EYA4: variants seen among roughly 807,000 people sequenced by gnomAD.
EYA4 encodes the protein protein phosphatase EYA4.
In EYA4, 31 loss-of-function variants were observed where a neutral mutation model predicts 87.9. That is an observed-to-expected ratio of 0.35 (90% confidence interval 0.27 to 0.48). The LOEUF (loss-of-function observed/expected upper bound fraction) is 0.48, where lower values mean the gene tolerates loss of function less well. Among genes scored for constraint, EYA4 ranks in the 20% least tolerant of loss-of-function variants. EYA4 has a pLI of 0.99. For synonymous variants in EYA4, 263 were observed against 270.6 expected, an observed-to-expected ratio of 0.97 and a Z score of 0.28; for missense variants, 678 against 761.4, an observed-to-expected ratio of 0.89 and a Z score of 1.29.
At chr6:133,418,537 T>G (rs1789945159) in intron 3 of EYA4, among the ~76,000 whole-genome samples, 1 of 152,236 alleles carries the variant, frequency 6.6e-6, no homozygotes. Context: ...CAGATGCATA[T>G]ATATACACAT....
chr6:133,485,095 T>C (rs1277001809), intron 13 of EYA4, among the ~76,000 whole-genome samples: 2 of 152,222 alleles, frequency 1.3e-5, no homozygotes, highest in African/African-American at 4.8e-5. Flanking sequence ...AAACTGGCTT[T>C]AAGAGCAATT....
intron 11 of EYA4, among the ~76,000 whole-genome samples, chr6:133,475,056 T>A (rs2128691660): frequency 6.6e-6 from 1 of 152,228 alleles, no homozygotes; most frequent in South Asian, 2.1e-4. Flanking sequence ...TTCAATCATG[T>A]ATAGTATTGG....
chr6:133,387,150 A>G (rs754309138), intron 3 of EYA4, among the ~76,000 whole-genome samples: 17 of 152,262 alleles, frequency 1.1e-4, no homozygotes, highest in Admixed American at 6.5e-5. Flanking sequence ...AGCTTAAAAA[A>G]ATGAAATTCC....
intron 3 of EYA4, among the ~76,000 whole-genome samples, chr6:133,383,650 C>T (rs1401070530): frequency 6.7e-6 from 1 of 149,958 alleles, no homozygotes; most frequent in African/African-American, 2.5e-5. Flanking sequence ...TATGATATTC[C>T]TATAATTGAT....
At chr6:133,271,909 T>C (rs1052473439) in intron 1 of EYA4, among the ~76,000 whole-genome samples, 2 of 152,248 alleles carry the variant, frequency 1.3e-5, no homozygotes, top group Admixed American at 6.5e-5. Flanking sequence ...AATACCTTCC[T>C]GGTTTTTGAT....
chr6:133,500,248 G>A (rs1288190637), intron 13 of EYA4, among the ~76,000 whole-genome samples: 1 of 151,934 alleles, frequency 6.6e-6, no homozygotes, highest in Non-Finnish European at 1.5e-5. Context: ...ATGGGGTGTG[G>A]CCCGAGCAAC....
chr6:133,255,435 A>G (rs759077366), intron 1 of EYA4, among the ~76,000 whole-genome samples: 1 of 152,166 alleles, frequency 6.6e-6, no homozygotes, highest in African/African-American at 2.4e-5. Context: ...ATAAAAATTC[A>G]TCAGTGATCA....
intron 18 of EYA4, 40 bp from the exon 19 acceptor site, chr6:133,525,113 CA>C: frequency 6.2e-7 from 1 of 1,613,582 alleles, no homozygotes; most frequent in Non-Finnish European, 8.5e-7. Flanking sequence ...TGCCGCTAAC[CA>C]GGTAACTTCA....
intron 3 of EYA4, among the ~76,000 whole-genome samples, chr6:133,391,416 A>G (rs1430316120): frequency 6.6e-6 from 1 of 151,924 alleles, no homozygotes. Context: ...TCGGGAAAAG[A>G]GGGCTTGCTG....
At chr6:133,430,391 A>G (rs1265717131) in intron 3 of EYA4, among the ~76,000 whole-genome samples, 1 of 152,204 alleles carries the variant, frequency 6.6e-6, no homozygotes, top group Non-Finnish European at 1.5e-5. Flanking sequence ...GCTAAAATCC[A>G]TGTTTTACGG....
intron 1 of EYA4, among the ~76,000 whole-genome samples, chr6:133,265,541 T>A (rs1776148837): frequency 6.6e-6 from 1 of 152,200 alleles, no homozygotes; most frequent in Non-Finnish European, 1.5e-5. Context: ...GGAATTAACA[T>A]AACAACCATT....
chr6:133,460,231 A>C (rs1794258876), intron 6 of EYA4, among the ~76,000 whole-genome samples: 1 of 152,134 alleles, frequency 6.6e-6, no homozygotes, highest in African/African-American at 2.4e-5. Context: ...AAGTGAATGA[A>C]CAGCAGATGG....
intron 2 of EYA4, among the ~76,000 whole-genome samples, chr6:133,380,417 T>C (rs936912286): frequency 1.3e-5 from 2 of 152,146 alleles, no homozygotes; most frequent in African/African-American, 4.8e-5. Context: ...TTTGGGGTAA[T>C]TATGCTTTGG....
chr6:133,382,906 G>A (rs990190655), intron 3 of EYA4, among the ~76,000 whole-genome samples: 1 of 152,066 alleles, frequency 6.6e-6, no homozygotes, highest in Non-Finnish European at 1.5e-5. Flanking sequence ...TTCTCGTTTG[G>A]GTTGTTTGGA....
intron 13 of EYA4, among the ~76,000 whole-genome samples, chr6:133,483,659 C>T (rs979878519): frequency 3.4e-5 from 5 of 148,644 alleles, no homozygotes; most frequent in African/African-American, 1.3e-4. Flanking sequence ...TTCTCTCTTG[C>T]TATTGTTTTT....
rs563190220 is a variant in EYA4, at chr6:133,500,260, G to A, written c.1192-5846G>A. 5.9e-5 allele frequency among the ~76,000 whole-genome samples: 9 copies of A among 152,072 alleles called. No homozygotes were observed. The East Asian group carries it at 1.8e-3, about 30-fold the overall frequency. ...GGTATGGGGTGTGGCCCGAGCAACA[G>A]GCATTGTGAAAGCTCCACCGGTGTT... is the stretch of plus-strand genomic sequence containing the variant. On this transcript the variant is annotated intron_variant, in intron 13 of 19. Coordinates refer to ENST00000355286, the MANE Select transcript of EYA4 (RefSeq NM_004100.5).
intron 1 of EYA4, among the ~76,000 whole-genome samples, chr6:133,249,274 G>A (rs554030727): frequency 6.6e-6 from 1 of 152,188 alleles, no homozygotes; most frequent in African/African-American, 2.4e-5. Context: ...AGCTTTAGGT[G>A]GACAATTGTC....
At chr6:133,392,325 T>C (rs1217782972) in intron 3 of EYA4, among the ~76,000 whole-genome samples, 2 of 151,830 alleles carry the variant, frequency 1.3e-5, no homozygotes, top group African/African-American at 2.4e-5. Flanking sequence ...GTTTTAGCTC[T>C]TTAAAAAAAA....
chr6:133,347,742 T>C (rs371214986), intron 2 of EYA4, among the ~76,000 whole-genome samples: 4 of 152,298 alleles, frequency 2.6e-5, no homozygotes, highest in African/African-American at 9.6e-5. Context: ...CACAGAGTGG[T>C]TAAATAACTT....
Sources: allele counts gnomAD v4.1 joint callset (sites outside exome capture counted in the v4.1 genomes callset), GRCh38; gene constraint gnomAD v4.1.1; transcripts MANE v1.5; gene names NCBI Gene and HGNC (gene_info 2026-07-23, HGNC 2026-07-21).